The following CNTNAP2 variants were observed in gnomAD, a reference collection of about 807,000 sequenced individuals.
CNTNAP2 encodes the protein contactin associated protein 2.
A neutral mutation model predicts 155.2 loss-of-function variants in CNTNAP2; 98 were observed. The observed-to-expected ratio is 0.63, with a 90% CI of 0.54 to 0.75. The LOEUF is 0.75. Ranked by LOEUF, CNTNAP2 falls within the 30% of genes least tolerant of loss-of-function variation. The probability of loss-of-function intolerance (pLI) is 0.00; values close to 1 mark genes in which losing one functional copy is unlikely to be tolerated. For missense variants in CNTNAP2, 1,727 were observed against 1,688.1 expected (o/e 1.02, Z -0.40); for synonymous variants, 651 against 631.2 (o/e 1.03, Z -0.47).
intron 1 of CNTNAP2, among the ~76,000 whole-genome samples, chr7:146,709,799 G>A (rs961524014): frequency 1.3e-5 from 2 of 152,160 alleles, no homozygotes; most frequent in African/African-American, 4.8e-5. Context: ...TGTATCTTGA[G>A]AGGCATACTG....
At chr7:148,015,630 A>G (rs934128685) in intron 15 of CNTNAP2, among the ~76,000 whole-genome samples, 2 of 152,234 alleles carry the variant, frequency 1.3e-5, no homozygotes, top group East Asian at 3.9e-4. Flanking sequence ...AAACATTAGA[A>G]CCCCATTTCC....
intron 2 of CNTNAP2, among the ~76,000 whole-genome samples, chr7:146,790,960 G>T (rs561709166): frequency 6.6e-6 from 1 of 151,490 alleles, no homozygotes; most frequent in Admixed American, 6.6e-5. Context: ...TGGGGTACAC[G>T]TGTGGAATGT....
intron 1 of CNTNAP2, among the ~76,000 whole-genome samples, chr7:146,140,492 AAGAC>A (rs1198943655): frequency 6.6e-6 from 1 of 152,164 alleles, no homozygotes; most frequent in Non-Finnish European, 1.5e-5. Flanking sequence ...GGTAGATACT[AAGAC>A]AGAGCATTTA....
intron 8 of CNTNAP2, among the ~76,000 whole-genome samples, chr7:147,272,723 G>C (rs1804783867): frequency 6.7e-6 from 1 of 149,304 alleles, no homozygotes; most frequent in Admixed American, 6.7e-5. Flanking sequence ...TAGCCAGGAT[G>C]CTCTCGATCT....
At chr7:146,427,894 C>A (rs1248007609) in intron 1 of CNTNAP2, among the ~76,000 whole-genome samples, 1 of 152,088 alleles carries the variant, frequency 6.6e-6, no homozygotes, top group Non-Finnish European at 1.5e-5. Context: ...GCTCTCCATC[C>A]CCCTGTACCT....
intron 6 of CNTNAP2, among the ~76,000 whole-genome samples, chr7:147,123,514 A>G (rs894147970): frequency 2.0e-5 from 3 of 152,248 alleles, no homozygotes; most frequent in Non-Finnish European, 1.5e-5. Flanking sequence ...CTGCAGGTAT[A>G]GACTAAAATA....
intron 17 of CNTNAP2, among the ~76,000 whole-genome samples, chr7:148,158,688 A>G (rs1245730490): frequency 1.3e-5 from 2 of 152,220 alleles, no homozygotes; most frequent in Non-Finnish European, 2.9e-5. Context: ...TCACCTTCTC[A>G]TGTGTCACAA....
At chr7:148,104,424 T>C (rs943680834) in intron 15 of CNTNAP2, among the ~76,000 whole-genome samples, 10 of 152,138 alleles carry the variant, frequency 6.6e-5, no homozygotes, top group Non-Finnish European at 1.2e-4. Flanking sequence ...AAACCTGTTT[T>C]TCTATGGATG....
chr7:146,260,376 C>T (rs1160136218), intron 1 of CNTNAP2, among the ~76,000 whole-genome samples: 1 of 152,136 alleles, frequency 6.6e-6, no homozygotes, highest in African/African-American at 2.4e-5. Flanking sequence ...TCCTCCAGAC[C>T]CTGAAACAGT....
At chr7:146,218,159 C>G (rs1799144628) in intron 1 of CNTNAP2, among the ~76,000 whole-genome samples, 1 of 152,108 alleles carries the variant, frequency 6.6e-6, no homozygotes, top group Admixed American at 6.5e-5. Flanking sequence ...AGAGTTCAAA[C>G]GTTGTGCACA....
chr7:148,354,922 A>C (rs1303847008), intron 21 of CNTNAP2, among the ~76,000 whole-genome samples: 1 of 151,902 alleles, frequency 6.6e-6, no homozygotes, highest in Non-Finnish European at 1.5e-5. Flanking sequence ...CCAGCCACAC[A>C]CTGATTTGGA....
At chr7:147,078,898 C>T (rs144002798) in intron 4 of CNTNAP2, among the ~76,000 whole-genome samples, 8,012 of 151,704 alleles carry the variant, frequency 0.053, 533 homozygotes, top group African/African-American at 0.16. Flanking sequence ...TACAGGTGTG[C>T]GCCACCATGC....
intron 13 of CNTNAP2, among the ~76,000 whole-genome samples, chr7:147,901,745 G>T (rs1799872237): frequency 6.6e-6 from 1 of 152,062 alleles, no homozygotes; most frequent in Non-Finnish European, 1.5e-5. Flanking sequence ...ACTCTCCTCT[G>T]TGTTCATAAT....
intron 15 of CNTNAP2, among the ~76,000 whole-genome samples, chr7:148,117,851 C>A (rs1804509234): frequency 6.7e-6 from 1 of 149,856 alleles, no homozygotes; most frequent in Non-Finnish European, 1.5e-5. Context: ...TATAGAAATT[C>A]TATATTAATA....
chr7:146,222,428 T>C (rs1220665747), intron 1 of CNTNAP2, among the ~76,000 whole-genome samples: 2 of 152,058 alleles, frequency 1.3e-5, no homozygotes, highest in African/African-American at 4.8e-5. Context: ...AATGGTCAGA[T>C]ATGTTAAAAA....
At position 148,239,606 on chromosome 7, in the gene CNTNAP2, CCT is replaced by C. The variant is rs1796109056; in HGVS notation, c.3381+9828_3381+9829del. Among the ~76,000 whole-genome samples, 4 of 152,260 alleles carry C rather than the reference CCT, an allele frequency of 2.6e-5. No individual in the cohort carries two copies. In the South Asian group the frequency reaches 8.3e-4, roughly 32 times the overall value. ...TGGGTTGAGCTATGGCTCCTCGGCC[CCT>C]GAGAAAGTATTTGAGCACGTTTTCA... On this transcript the variant is annotated intron_variant, in intron 20 of 23. Transcript: ENST00000361727.
At chr7:146,293,193 T>A (rs1800459988) in intron 1 of CNTNAP2, among the ~76,000 whole-genome samples, 1 of 152,164 alleles carries the variant, frequency 6.6e-6, no homozygotes, top group Admixed American at 6.5e-5. Flanking sequence ...AAAGTCTTCA[T>A]ATAGATGACA....
chr7:146,821,264 G>A (rs1220854909), intron 2 of CNTNAP2, among the ~76,000 whole-genome samples: 1 of 152,102 alleles, frequency 6.6e-6, no homozygotes, highest in African/African-American at 2.4e-5. Flanking sequence ...TAGCCTTGAT[G>A]GTCTTTACAT....
intron 1 of CNTNAP2, among the ~76,000 whole-genome samples, chr7:146,616,955 G>T (rs184253853): frequency 2.6e-5 from 4 of 152,304 alleles, no homozygotes; most frequent in African/African-American, 7.2e-5. Flanking sequence ...ATCCTTTCTA[G>T]TTGGTTATAA....
Sources: allele counts gnomAD v4.1 joint callset (sites outside exome capture counted in the v4.1 genomes callset), GRCh38; gene constraint gnomAD v4.1.1; transcripts MANE v1.5; gene names NCBI Gene and HGNC (gene_info 2026-07-23, HGNC 2026-07-21).